The following DGKG variants were observed in gnomAD, a reference collection of about 807,000 sequenced individuals.
The protein encoded by DGKG is diacylglycerol kinase gamma.
In DGKG, 78 loss-of-function variants were observed where a neutral mutation model predicts 105.3. The ratio of observed to expected loss-of-function variants is 0.74; its 90% CI spans 0.62 to 0.89. The LOEUF (loss-of-function observed/expected upper bound fraction) is 0.89. Among genes scored for constraint, DGKG ranks in the 40% least tolerant of loss-of-function variants. The pLI, the probability that DGKG is intolerant of heterozygous loss-of-function variation, is 0.00. For missense variants in DGKG, 958 were observed against 1,020.1 expected, an observed-to-expected ratio of 0.94 and a Z score of 0.83; for synonymous variants, 346 against 367.1, an observed-to-expected ratio of 0.94 and a Z score of 0.66.
intron 5 of DGKG, among the ~76,000 whole-genome samples, chr3:186,291,331 G>A (rs887850747): frequency 3.3e-5 from 5 of 151,284 alleles, no homozygotes; most frequent in Admixed American, 2.0e-4. Flanking sequence ...AGAGGCAAAC[G>A]TTCTTAATAT....
chr3:186,284,503 C>T lies in DGKG; in HGVS notation c.594+157G>A, dbSNP rs113924836. The stretch of plus-strand genomic sequence containing the variant: ...TGCAAGGCCGGCCCTTTGGAAATAG[C>T]GGGTGGAGAGGTCCTAGTCGGATTT... On this transcript the variant is annotated intron_variant, in intron 7 of 24. Transcript: ENST00000265022. The surrounding 1 kb of genome is among the most constrained non-coding windows in gnomAD (Gnocchi z 4.0). Among the ~76,000 whole-genome samples, 47 of 152,244 alleles carry T rather than the reference C, an allele frequency of 3.1e-4. No individual in the cohort carries two copies. Among genetic ancestry groups the T allele is most frequent in the Middle Eastern group, 6.8e-3 (2 of 292 alleles).
chr3:186,154,744 A>T (rs1468636098), intron 24 of DGKG, among the ~76,000 whole-genome samples: 1 of 151,722 alleles, frequency 6.6e-6, no homozygotes, highest in Non-Finnish European at 1.5e-5. Context: ...GGATTTATTG[A>T]TGAGTTGGGA....
chr3:186,284,631 C>T lies in DGKG; in HGVS notation c.594+29G>A. 1.3e-6 allele frequency: 2 copies of T among 1,598,374 alleles called. No individual in the cohort carries two copies. The highest frequency in any genetic ancestry group is 8.6e-7 in the Non-Finnish European group (1 of 1,165,742). On this transcript the variant is annotated intron_variant, in intron 7 of 24. Coordinates refer to ENST00000265022, the MANE Select transcript of DGKG (RefSeq NM_001346.3). This position sits in a 1 kb window ranked among gnomAD's most constrained non-coding sequence, Gnocchi z 4.0. ...CTGCTCCCCCAGCCTTTCTCAGGTC[C>T]ATGAGGGATATTTAGAGTGAGAACT...
At chr3:186,326,595 C>T (rs571858670) in intron 1 of DGKG, among the ~76,000 whole-genome samples, 1 of 152,146 alleles carries the variant, frequency 6.6e-6, no homozygotes, top group Admixed American at 6.5e-5. Flanking sequence ...TTGTTTCCAT[C>T]ATCTACAACA....
rs1718536330 is a variant in DGKG at position 186,202,790 on chromosome 3, G to A, written c.1917+9005C>T. Among the ~76,000 whole-genome samples the A allele has an allele frequency of 2.0e-5, 3 of 152,186 alleles. No individual in the cohort carries two copies. The South Asian group carries it at 6.2e-4, about 31-fold the overall frequency. On this transcript the variant is annotated intron_variant, in intron 21 of 24. Transcript: ENST00000265022. ...ACTTGACCCCCAACTTTGGTCTTCT[G>A]AGACTTTCTTGGGCCCCATCTATTA...
At chr3:186,167,862 C>G (rs920055856) in intron 22 of DGKG, among the ~76,000 whole-genome samples, 3 of 152,198 alleles carry the variant, frequency 2.0e-5, no homozygotes, top group Admixed American at 6.5e-5. Context: ...AGTTGGGATG[C>G]AAAATGTTCT....
At chr3:186,283,561 C>T (rs1054134751) in intron 7 of DGKG, among the ~76,000 whole-genome samples, 1 of 152,182 alleles carries the variant, frequency 6.6e-6, no homozygotes, top group Admixed American at 6.5e-5. Context: ...CTTCTCAGCA[C>T]CCATCCCTAC....
In DGKG at chr3:186,288,896, G is replaced by C; in HGVS notation, c.374-16C>G. On this transcript the variant is annotated splice_polypyrimidine_tract_variant and intron_variant, in intron 5 of 24. Transcript: ENST00000265022. ...ATATTTGATTCTGCGATGAACAAAA[G>C]GAAAACATCCAAGGACATTTTCTGT... is the stretch of plus-strand genomic sequence containing the variant. 2 of 1,528,992 alleles carry C rather than the reference G, an allele frequency of 1.3e-6. No individual in the cohort carries two copies. The highest frequency in any genetic ancestry group is 1.8e-6 in the Non-Finnish European group (2 of 1,140,286). 94.7% of individuals were successfully genotyped at this position (1,528,992 alleles called of 1,614,324 possible). A position where few individuals can be genotyped will look rare whatever the true frequency, so the allele number is the denominator to read the frequency against.
chr3:186,231,523 ATGGCTACTATTGT>A lies in DGKG; in HGVS notation c.1826+10968_1826+10980del, dbSNP rs1553805055. 1.3e-5 allele frequency among the ~76,000 whole-genome samples: 2 copies of A among 152,174 alleles called. No homozygotes were observed. Among genetic ancestry groups the A allele is most frequent in the Non-Finnish European group, 2.9e-5 (2 of 68,030 alleles). ...GATTCTTGAAAGCTCTCAATAAATG[ATGGCTACTATTGT>A]TGGTATGGGTTGGAGCAGGACTGAT... On this transcript the variant is annotated intron_variant, in intron 20 of 24. Coordinates refer to ENST00000265022, the MANE Select transcript of DGKG (RefSeq NM_001346.3). The surrounding 1 kb of genome is among the most constrained non-coding windows in gnomAD (Gnocchi z 4.5).
intron 3 of DGKG, among the ~76,000 whole-genome samples, chr3:186,304,721 A>G (rs1724142847): frequency 6.6e-6 from 1 of 152,228 alleles, no homozygotes. Flanking sequence ...CCTCTCATTT[A>G]ATTCACTCAT....
chr3:186,160,272 A>T (rs1035185458), intron 24 of DGKG: 1 of 985,256 alleles, frequency 1.0e-6, no homozygotes, highest in Non-Finnish European at 1.2e-6. Context: ...AATTTATAGG[A>T]ATAGCAATCC....
rs1307334413 is a variant in DGKG, at chr3:186,279,870, AGGACCAGCAAT to A, written c.762_772del (p.Leu255ProfsTer5). 3.1e-6 allele frequency: 5 copies of A among 1,613,804 alleles called. No individual in the cohort carries two copies. Among genetic ancestry groups the A allele is most frequent in the African/African-American group, 1.3e-5 (1 of 74,916 alleles). On this transcript the variant is annotated frameshift_variant, in exon 9 of 25. Coordinates refer to ENST00000265022, the MANE Select transcript of DGKG (RefSeq NM_001346.3). LOFTEE classifies it high-confidence loss of function. Reference sequence around the variant, plus strand: ...ACTTACAGAGTCATCCATCCCCAGGAGGACCAGCAATGGGATGGTGGTCATCCCTCCATGGA... The same window carrying A: ...ACTTACAGAGTCATCCATCCCCAGGAGGGATGGTGGTCATCCCTCCATGGA...
At chr3:186,198,532 T>C (rs2268845) in intron 21 of DGKG, among the ~76,000 whole-genome samples, 74,865 of 152,102 alleles carry the variant, frequency 0.49, 21,121 homozygotes, top group East Asian at 0.74. Context: ...GGGTCAATAC[T>C]AGAGGCAGTG....
intron 2 of DGKG, among the ~76,000 whole-genome samples, chr3:186,312,717 A>T (rs944560501): frequency 1.8e-4 from 28 of 152,256 alleles, no homozygotes; most frequent in Non-Finnish European, 1.5e-5. Context: ...CTAGGAAGTT[A>T]TACAGTGAGA....
chr3:186,244,407 G>T (rs116492522), intron 19 of DGKG, among the ~76,000 whole-genome samples: 6,616 of 138,252 alleles, frequency 0.048, 499 homozygotes, highest in African/African-American at 0.17. Context: ...AGCTATTGAT[G>T]TTTTTTTTTT....
At chr3:186,270,591 A>G (rs992356406) in intron 11 of DGKG, among the ~76,000 whole-genome samples, 28 of 152,242 alleles carry the variant, frequency 1.8e-4, no homozygotes, top group Non-Finnish European at 4.0e-4. Context: ...CAGTTTGCCA[A>G]TTAATCTGTC....
intron 1 of DGKG, among the ~76,000 whole-genome samples, chr3:186,357,002 G>A (rs1009745761): frequency 3.9e-5 from 6 of 152,150 alleles, no homozygotes; most frequent in Non-Finnish European, 7.4e-5. Flanking sequence ...AGAGGCTCAT[G>A]CATGCACAGC....
At position 186,328,581 on chromosome 3, in the gene DGKG, T is replaced by TC. The variant is rs67971026; in HGVS notation, c.-248-7875_-248-7874insG. Among the ~76,000 whole-genome samples the TC allele has an allele frequency of 6.1e-4, 92 of 151,786 alleles. 1 individual carries two copies. Among genetic ancestry groups the TC allele is most frequent in the African/African-American group, 2.1e-3 (88 of 41,348 alleles). On this transcript the variant is annotated intron_variant, in intron 1 of 24. Transcript: ENST00000265022. ...TGGAAAAGGCTACACCATTCTTTTT[T>TC]TTTTTTTTTCTTGAGATGGAGTTTT... is the stretch of plus-strand genomic sequence containing the variant.
At chr3:186,174,582 T>A (rs938468363) in intron 22 of DGKG, among the ~76,000 whole-genome samples, 2 of 152,160 alleles carry the variant, frequency 1.3e-5, no homozygotes, top group African/African-American at 4.8e-5. Context: ...TCCTTTTTTT[T>A]CTTTTTACTC....
Sources: gnomAD v4.1 joint callset for allele counts (sites outside exome capture counted in the v4.1 genomes callset) on GRCh38, gnomAD v4.1.1 for gene constraint, Gnocchi (gnomAD v3.1) non-coding constraint, MANE v1.5 for transcripts, NCBI Gene and HGNC (gene_info 2026-07-23, HGNC 2026-07-21) for gene names.